The following HIVEP3 variants were observed in gnomAD, a reference collection of about 807,000 sequenced individuals.
HIVEP3 encodes transcription factor HIVEP3.
HIVEP3 carries 49 observed loss-of-function variants against 152.8 expected under a neutral mutation model. That is an observed-to-expected ratio of 0.32 (90% confidence interval 0.26 to 0.41). The LOEUF (loss-of-function observed/expected upper bound fraction) is 0.41. Ranked by LOEUF, HIVEP3 falls within the 10% of genes least tolerant of loss-of-function variation. The pLI is 1.00. For missense variants in HIVEP3, 2,790 were observed against 3,103.3 expected (o/e 0.90, Z 2.40); for synonymous variants, 1,269 against 1,289.0 (o/e 0.98, Z 0.33).
intron 1 of HIVEP3, among the ~76,000 whole-genome samples, chr1:41,795,260 G>T (rs943919681): frequency 2.0e-5 from 3 of 152,068 alleles, no homozygotes; most frequent in Admixed American, 2.0e-4. Flanking sequence ...TGATATTTTT[G>T]AAGAGTCCTG....
chr1:41,604,058 C>G (rs1170301476), intron 3 of HIVEP3, among the ~76,000 whole-genome samples: 1 of 152,232 alleles, frequency 6.6e-6, no homozygotes, highest in Non-Finnish European at 1.5e-5. Flanking sequence ...TGTGGTACAA[C>G]TGGAACTCTT....
chr1:41,906,156 A>C (rs1644706271), intron 1 of HIVEP3, among the ~76,000 whole-genome samples: 1 of 152,186 alleles, frequency 6.6e-6, no homozygotes, highest in Non-Finnish European at 1.5e-5. Flanking sequence ...AAAAATAGGA[A>C]AAATCAGCCA....
At chr1:41,567,479 C>T (rs1644183402) in intron 5 of HIVEP3, among the ~76,000 whole-genome samples, 1 of 152,180 alleles carries the variant, frequency 6.6e-6, no homozygotes, top group Non-Finnish European at 1.5e-5. Flanking sequence ...CACTTCACTC[C>T]CCAGCCCATT....
chr1:41,682,356 A>T (rs1402764142), intron 2 of HIVEP3, among the ~76,000 whole-genome samples: 2 of 151,848 alleles, frequency 1.3e-5, no homozygotes, highest in Non-Finnish European at 2.9e-5. Flanking sequence ...CTGTCTCCCT[A>T]CCTAGGTCGT....
At chr1:41,824,326 C>A (rs532564467) in intron 1 of HIVEP3, among the ~76,000 whole-genome samples, 2 of 152,160 alleles carry the variant, frequency 1.3e-5, no homozygotes, top group African/African-American at 4.8e-5. Flanking sequence ...TTACTTTCCA[C>A]AGTTCCTTCT....
chr1:41,581,041 C>A lies in HIVEP3; in HGVS notation c.3757G>T (p.Asp1253Tyr). 6.4e-7 allele frequency: 1 copy of A among 1,558,082 alleles called. No homozygotes were observed. The highest frequency in any genetic ancestry group is 8.7e-7 in the Non-Finnish European group (1 of 1,151,986). ...QSQFALQLPG[D>Y]VESHLPQIKT... Reference sequence around the variant, plus strand: ...ATCTGGGGCAGATGGCTTTCCACATCACCAGGGAGCTGAAGTGCAAACTGG... The same window carrying A: ...ATCTGGGGCAGATGGCTTTCCACATAACCAGGGAGCTGAAGTGCAAACTGG... Residue 1253 changes from aspartate to tyrosine, a missense_variant, in exon 4 of 9, where the codon GAT becomes TAT. Asp to Tyr is a radical substitution (Grantham distance 160). Transcript: ENST00000372583. The surrounding 1 kb of genome is among the most constrained non-coding windows in gnomAD (Gnocchi z 4.5).
At chr1:42,023,051 C>T (rs920424745) in intron 1 of HIVEP3, among the ~76,000 whole-genome samples, 2 of 151,994 alleles carry the variant, frequency 1.3e-5, no homozygotes, top group Non-Finnish European at 2.9e-5. Context: ...TTTATTTTGA[C>T]ATAGAGTCTC....
intron 2 of HIVEP3, among the ~76,000 whole-genome samples, chr1:41,657,239 G>A (rs1645642192): frequency 6.6e-6 from 1 of 152,194 alleles, no homozygotes; most frequent in African/African-American, 2.4e-5. Flanking sequence ...GTGGCCTCAG[G>A]AGCAAGAGAC....
chr1:41,605,373 G>GCACA (rs1482926182), intron 3 of HIVEP3, among the ~76,000 whole-genome samples: 410 of 106,796 alleles, frequency 3.8e-3, no homozygotes, highest in African/African-American at 0.014. Flanking sequence ...ACACGCACAC[G>GCACA]CGCACACACA....
At chr1:41,617,068 T>TACCGTAC (rs1644979891) in intron 3 of HIVEP3, among the ~76,000 whole-genome samples, 1 of 152,178 alleles carries the variant, frequency 6.6e-6, no homozygotes, top group Admixed American at 6.5e-5. Context: ...CTAACCACTC[T>TACCGTAC]ACCGTACTGC....
At chr1:41,987,401 GA>G (rs1464629520) in intron 1 of HIVEP3, among the ~76,000 whole-genome samples, 1 of 151,936 alleles carries the variant, frequency 6.6e-6, no homozygotes, top group Non-Finnish European at 1.5e-5. Context: ...AAATAAAAAA[GA>G]AATAGAAAAA....
chr1:42,025,928 G>C (rs112587106), intron 1 of HIVEP3, among the ~76,000 whole-genome samples: 2 of 151,914 alleles, frequency 1.3e-5, no homozygotes, highest in Non-Finnish European at 2.9e-5. Flanking sequence ...AAAATTAGCC[G>C]GGCGTGGTGG....
At chr1:41,761,049 G>A (rs1196383711) in intron 1 of HIVEP3, among the ~76,000 whole-genome samples, 1 of 152,258 alleles carries the variant, frequency 6.6e-6, no homozygotes, top group Non-Finnish European at 1.5e-5. Flanking sequence ...TGGAGGCACT[G>A]AGGCCTGCCA....
intron 1 of HIVEP3, among the ~76,000 whole-genome samples, chr1:41,942,002 T>A (rs1455436560): frequency 6.6e-6 from 1 of 152,098 alleles, no homozygotes; most frequent in Non-Finnish European, 1.5e-5. Context: ...AAAATAATAT[T>A]AATAATAAAA....
At chr1:41,960,366 T>C (rs1419215142) in intron 1 of HIVEP3, among the ~76,000 whole-genome samples, 2 of 152,108 alleles carry the variant, frequency 1.3e-5, no homozygotes, top group African/African-American at 4.8e-5. Flanking sequence ...AAGTGGTTCT[T>C]AATGGTACAA....
chr1:41,837,291 C>A (rs1454302350), intron 1 of HIVEP3, among the ~76,000 whole-genome samples: 5 of 152,182 alleles, frequency 3.3e-5, no homozygotes, highest in Non-Finnish European at 5.9e-5. Flanking sequence ...GCCCCTCAGT[C>A]ACCCTGTCCT....
chr1:41,518,541 G>A (rs1026931610), intron 6 of HIVEP3, 53 bp from the exon 7 acceptor site: 42 of 1,516,332 alleles, frequency 2.8e-5, no homozygotes, highest in African/African-American at 1.4e-4. Context: ...AGGCCAGGGC[G>A]GACCCAGGGC....
intron 1 of HIVEP3, among the ~76,000 whole-genome samples, chr1:41,817,843 A>G (rs1642457106): frequency 6.6e-6 from 1 of 152,216 alleles, no homozygotes; most frequent in African/African-American, 2.4e-5. Flanking sequence ...AAATACCCAC[A>G]GGCTGCCTTG....
chr1:41,573,303 G>A (rs1359686073), intron 5 of HIVEP3, among the ~76,000 whole-genome samples: 3 of 152,152 alleles, frequency 2.0e-5, no homozygotes, highest in Non-Finnish European at 4.4e-5. Context: ...CTCTGGCCTC[G>A]TCCCTGAAAT....
Sources: gnomAD v4.1 joint callset for allele counts (sites outside exome capture counted in the v4.1 genomes callset) on GRCh38, gnomAD v4.1.1 for gene constraint, Gnocchi (gnomAD v3.1) non-coding constraint, MANE v1.5 for transcripts, NCBI Gene and HGNC (gene_info 2026-07-23, HGNC 2026-07-21) for gene names.